Variants in STK11IP observed in about 807,000 individuals in gnomAD.
STK11IP encodes serine/threonine kinase 11 interacting protein.
Under a neutral mutation model 131.7 loss-of-function variants are expected in STK11IP, and 103 were observed. The ratio of observed to expected loss-of-function variants is 0.78; its 90% CI spans 0.67 to 0.92. The LOEUF is 0.92. Ranked by LOEUF, STK11IP falls within the 40% of genes least tolerant of loss-of-function variation. STK11IP has a pLI of 0.00. For synonymous variants in STK11IP, 557 were observed against 575.6 expected (o/e 0.97, Z 0.46); for missense variants, 1,315 against 1,385.7 (o/e 0.95, Z 0.81).
In STK11IP at chr2:219,602,745, A is replaced by G. The variant is rs1177057663; in HGVS notation, c.587A>G (p.Asn196Ser). Residue 196 changes from asparagine (N) to serine (S), a missense_variant, in exon 7 of 25, where the codon AAT becomes AGT. By Grantham distance (46) the Asn-to-Ser change is conservative. Transcript: ENST00000456909. ...SALRFLNLSHNQVQDCQGFLM... is the reference protein window; with the variant it reads ...SALRFLNLSHSQVQDCQGFLM... The stretch of plus-strand genomic sequence containing the variant: ...CTGCGTTTCTTGAACCTAAGCCACA[A>G]TCAAGTCCAGGACTGTCAGGGATTC... 1 of 1,612,766 alleles carries G rather than the reference A, an allele frequency of 6.2e-7. No homozygotes were observed. Among genetic ancestry groups the G allele is most frequent in the Non-Finnish European group, 8.5e-7 (1 of 1,179,406 alleles).
Position 219,608,718 on chromosome 2 carries a change from T to C in STK11IP, c.1739T>C (p.Leu580Pro), listed in dbSNP as rs372516135. 6.2e-7 allele frequency: 1 copy of C among 1,613,038 alleles called. No homozygotes were observed. Among genetic ancestry groups the C allele is most frequent in the Non-Finnish European group, 8.5e-7 (1 of 1,179,720 alleles). ...ELQAARTLER[L>P]ELQSLEAAEI... ...CAAGCAGCTCGCACCTTGGAGCGAC[T>C]GGAGCTCCAGAGTCTGGAGGCAGCT... The change falls in exon 15 of 25, where the codon CTG becomes CCG. Residue 580 changes from leucine to proline, a missense_variant. By Grantham distance (98) the Leu-to-Pro change is moderately conservative (BLOSUM62 -3). Coordinates refer to ENST00000456909, the MANE Select transcript of STK11IP (RefSeq NM_052902.4).
At chr2:219,615,382 T>A (rs1223875680) in intron 24 of STK11IP, 41 bp downstream of exon 24, 1 of 1,574,246 alleles carries the variant, frequency 6.4e-7, no homozygotes, top group East Asian at 2.3e-5. Flanking sequence ...GGAGGGGAGA[T>A]GGTGAGCACA....
intron 24 of STK11IP, chr2:219,615,771 T>C (rs890262998): frequency 1.3e-5 from 9 of 679,076 alleles, no homozygotes; most frequent in Non-Finnish European, 2.5e-5. Flanking sequence ...GAGCCGGGAA[T>C]TGAATCCACA....
Position 219,598,106 on chromosome 2 carries a change from A to G in STK11IP, c.-14A>G, listed in dbSNP as rs1697853713. ...TTTCCCCCCCCAGGCTCCGCCCCCCAGCGTCCCGTGGCCATGACGACCGCT... is the reference window on the plus strand; with the variant it reads ...TTTCCCCCCCCAGGCTCCGCCCCCCGGCGTCCCGTGGCCATGACGACCGCT... On this transcript the variant is annotated 5_prime_UTR_variant, in exon 2 of 25. Coordinates refer to ENST00000456909, the MANE Select transcript of STK11IP (RefSeq NM_052902.4). The G allele has an allele frequency of 1.9e-6, 3 of 1,576,382 alleles. No individual in the cohort carries two copies. Among genetic ancestry groups the G allele is most frequent in the South Asian group, 1.2e-5 (1 of 86,158 alleles).
intron 10 of STK11IP, 33 bp downstream of exon 10, chr2:219,606,323 C>A: frequency 6.4e-7 from 1 of 1,551,812 alleles, no homozygotes; most frequent in East Asian, 2.4e-5. Context: ...CTCTTCTTCC[C>A]CTTTCCTGCC....
At chr2:219,598,234 G>A (rs1697862383) in intron 2 of STK11IP, 54 bp downstream of exon 2, 3 of 1,355,326 alleles carry the variant, frequency 2.2e-6, no homozygotes, top group Admixed American at 5.2e-5. Context: ...GGTGGGGGTG[G>A]TGCTTTCTGG....
Position 219,613,014 on chromosome 2 carries a change from G to A in STK11IP, c.2440-114G>A, listed in dbSNP as rs938169467. 5 of 710,652 alleles carry A rather than the reference G, an allele frequency of 7.0e-6. No individual in the cohort carries two copies. In the African/African-American group the frequency reaches 8.7e-5, roughly 12 times the overall value. The allele number at this position is 710,652 out of a possible 1,614,324, so 44.0% of individuals were successfully genotyped here. A position where few individuals can be genotyped will look rare whatever the true frequency, so the allele number is the denominator to read the frequency against. Reference sequence around the variant, plus strand: ...TGAGGGAAGCTCCATAGACTGGTGGGTGGGCAGTGGGAGGGTCAGGCCGAG... The same window carrying A: ...TGAGGGAAGCTCCATAGACTGGTGGATGGGCAGTGGGAGGGTCAGGCCGAG... On this transcript the variant is annotated intron_variant, in intron 19 of 24. Coordinates refer to ENST00000456909, the MANE Select transcript of STK11IP (RefSeq NM_052902.4).
Position 219,616,253 on chromosome 2 carries a change from T to G in STK11IP, c.*60T>G. The stretch of plus-strand genomic sequence containing the variant: ...GCCACGCTGTAGACATTCCCTCTCC[T>G]GGTCTCTGGGTCTGGCTTCCAGGCT... On this transcript the variant is annotated 3_prime_UTR_variant, in exon 25 of 25. Coordinates refer to ENST00000456909, the MANE Select transcript of STK11IP (RefSeq NM_052902.4). 1.3e-6 allele frequency: 2 copies of G among 1,551,654 alleles called. No homozygotes were observed. The highest frequency in any genetic ancestry group is 1.7e-6 in the Non-Finnish European group (2 of 1,146,366).
At chr2:219,608,865 G>A (rs1698294355) in intron 15 of STK11IP, 77 bp downstream of exon 15, 2 of 1,429,144 alleles carry the variant, frequency 1.4e-6, no homozygotes, top group South Asian at 1.4e-5. Flanking sequence ...ACTGGGCTGG[G>A]CATTTCTTTC....
At chr2:219,602,881 A>C in intron 7 of STK11IP, 105 bp downstream of exon 7, 2 of 1,123,140 alleles carry the variant, frequency 1.8e-6, no homozygotes, top group Non-Finnish European at 2.6e-6. Context: ...TCTTGCCATG[A>C]GGGTGGAGCT....
rs774728576 is a variant in STK11IP, at chr2:219,616,128, T to C, written c.3202T>C (p.Trp1068Arg). The C allele has an allele frequency of 5.0e-6, 8 of 1,613,696 alleles. No homozygotes were observed. The African/African-American group carries it at 9.3e-5, about 19-fold the overall frequency. ...TALLAWIREP[W>R]EELFSIGLRT... ...CCTGCTTGCCTGGATCCGGGAACCA[T>C]GGGAGGAGCTGTTTTCCATCGGACT... Residue 1068 changes from tryptophan (W) to arginine (R), a missense_variant, in exon 25 of 25, where the codon TGG becomes CGG. By Grantham distance (101) the Trp-to-Arg change is moderately radical (BLOSUM62 -3). Coordinates refer to ENST00000456909, the MANE Select transcript of STK11IP (RefSeq NM_052902.4).
intron 11 of STK11IP, 63 bp downstream of exon 11, chr2:219,606,580 G>A: frequency 6.2e-7 from 1 of 1,610,194 alleles, no homozygotes; most frequent in Non-Finnish European, 8.5e-7. Context: ...GCTGGGGAGA[G>A]AACAGAGGGC....
In STK11IP at chr2:219,613,798, C is replaced by G. The variant is rs779745489; in HGVS notation, c.2584C>G (p.Gln862Glu). ...WLQLTLAVPL[Q>E]DLSGIELGLA... is the part of the protein sequence containing the mutation. ...GCAGCTGACCCTGGCTGTTCCCCTGCAGGATCTGAGTGGCATAGAGCTGGG... is the reference window on the plus strand; with the variant it reads ...GCAGCTGACCCTGGCTGTTCCCCTGGAGGATCTGAGTGGCATAGAGCTGGG... Residue 862 changes from glutamine (Q) to glutamate (E), a missense_variant, in exon 21 of 25, where the codon CAG becomes GAG. Gln to Glu is a conservative substitution (Grantham distance 29). Transcript: ENST00000456909. 2 of 1,612,368 alleles carry G rather than the reference C, an allele frequency of 1.2e-6. No homozygotes were observed. The highest frequency in any genetic ancestry group is 2.2e-5 in the South Asian group (2 of 91,082).
intron 24 of STK11IP, 124 bp downstream of exon 24, chr2:219,615,465 A>T: frequency 7.6e-7 from 1 of 1,307,288 alleles, no homozygotes; most frequent in Non-Finnish European, 1.0e-6. Flanking sequence ...TGGCACTTAC[A>T]GATGAGAGAA....
In STK11IP at chr2:219,613,874, G is replaced by T; in HGVS notation, c.2660G>T (p.Cys887Phe). The T allele has an allele frequency of 6.2e-7, 1 of 1,611,754 alleles. No homozygotes were observed. The highest frequency in any genetic ancestry group is 8.5e-7 in the Non-Finnish European group (1 of 1,179,374). The change falls in exon 21 of 25, where the codon TGT becomes TTT. Residue 887 changes from cysteine (C) to phenylalanine (F), a missense_variant. Cys to Phe is a radical substitution (Grantham distance 205). Transcript: ENST00000456909. ...GAGTGGGCAGCTGGGGCGGGCCGCT[G>T]TGTGCTGCTGCCCCGAGATGCCAGG... The part of the protein sequence containing the change: ...RLEWAAGAGR[C>F]VLLPRDARHC...
intron 22 of STK11IP, 55 bp downstream of exon 22, chr2:219,614,297 G>T: frequency 6.2e-7 from 1 of 1,600,564 alleles, no homozygotes. Flanking sequence ...TTTCCACAGA[G>T]CCCCAGACAT....
chr2:219,597,862 C>A lies in STK11IP; in HGVS notation c.-88C>A. ...CGATTTTCTTCCGGGGCGGGACTTC[C>A]TTTCCATCATTGATAGGCGCCGGGC... On this transcript the variant is annotated 5_prime_UTR_variant, in exon 1 of 25. Coordinates refer to ENST00000456909, the MANE Select transcript of STK11IP (RefSeq NM_052902.4). The A allele has an allele frequency of 6.3e-7, 1 of 1,594,134 alleles. No homozygotes were observed. Among genetic ancestry groups the A allele is most frequent in the Non-Finnish European group, 8.5e-7 (1 of 1,170,830 alleles).
chr2:219,613,652 G>T (rs1698479300), intron 20 of STK11IP, 100 bp from the exon 21 acceptor site: 4 of 1,384,312 alleles, frequency 2.9e-6, no homozygotes, highest in South Asian at 1.2e-5. Flanking sequence ...GCGCACGGGG[G>T]TGATGCAGTG....
intron 17 of STK11IP, chr2:219,609,770 A>C (rs1329720069): frequency 2.0e-6 from 1 of 507,374 alleles, no homozygotes; most frequent in Non-Finnish European, 3.5e-6. Context: ...TAACTCTAAA[A>C]GTCAGGAAAT....
Sources: allele counts gnomAD v4.1 joint callset, GRCh38; gene constraint gnomAD v4.1.1; transcripts MANE v1.5; gene names NCBI Gene and HGNC (gene_info 2026-07-23, HGNC 2026-07-21).